Variants in PDILT observed in about 807,000 individuals in gnomAD.
The protein encoded by PDILT is protein disulfide isomerase like, testis expressed.
Under a neutral mutation model 53.7 loss-of-function variants are expected in PDILT, and 43 were observed. The observed-to-expected ratio is 0.80, with a 90% CI of 0.63 to 1.03. The LOEUF is 1.03. PDILT is among the 50% of genes least tolerant of loss of function. The probability of loss-of-function intolerance (pLI) is 0.00; values close to 1 mark genes in which losing one functional copy is unlikely to be tolerated. For synonymous variants in PDILT, 282 were observed against 274.2 expected (o/e 1.03, Z -0.28); for missense variants, 727 against 712.3 (o/e 1.02, Z -0.24).
At chr16:20,361,716 C>A (rs1420504182) in intron 10 of PDILT, among the ~76,000 whole-genome samples, 1 of 152,204 alleles carries the variant, frequency 6.6e-6, no homozygotes, top group African/African-American at 2.4e-5. Context: ...TCAGACCACA[C>A]TTCCTACCTG....
intron 9 of PDILT, among the ~76,000 whole-genome samples, chr16:20,364,517 C>T (rs950401277): frequency 3.3e-5 from 5 of 152,224 alleles, no homozygotes; most frequent in Non-Finnish European, 5.9e-5. Flanking sequence ...CCATACCTTC[C>T]TCACAAACTT....
chr16:20,359,236 T>A lies in PDILT; in HGVS notation c.*83A>T. ...CCCCACCTACCCTACCACAATGATA[T>A]ATGCTTTTATTGGAATCAATCCATT... On this transcript the variant is annotated 3_prime_UTR_variant, in exon 12 of 12. Coordinates refer to ENST00000302451, the MANE Select transcript of PDILT (RefSeq NM_174924.2). 1 of 1,562,152 alleles carries A rather than the reference T, an allele frequency of 6.4e-7. No individual in the cohort carries two copies. The highest frequency in any genetic ancestry group is 8.6e-7 in the Non-Finnish European group (1 of 1,156,302).
intron 1 of PDILT, among the ~76,000 whole-genome samples, chr16:20,400,586 G>A (rs2141625501): frequency 6.6e-6 from 1 of 152,142 alleles, no homozygotes; most frequent in Middle Eastern, 3.4e-3. Context: ...AAGCTCCCCA[G>A]ATGATTCTTT....
intron 9 of PDILT, among the ~76,000 whole-genome samples, chr16:20,363,262 C>G (rs769736650): frequency 1.3e-5 from 2 of 152,074 alleles, no homozygotes; most frequent in African/African-American, 2.4e-5. Context: ...ACTCAAACTC[C>G]TGGGCTCAAG....
intron 3 of PDILT, among the ~76,000 whole-genome samples, chr16:20,379,267 G>A (rs148002186): frequency 1.3e-4 from 19 of 151,790 alleles, no homozygotes; most frequent in African/African-American, 3.9e-4. Context: ...TCTGCCTCCC[G>A]GGTTCCAGTG....
intron 1 of PDILT, among the ~76,000 whole-genome samples, chr16:20,400,085 G>T: frequency 7.0e-6 from 1 of 143,426 alleles, no homozygotes. Context: ...TTTTGAGACG[G>T]AGTTTTGCTC....
chr16:20,402,585 C>T (rs1966757866), intron 1 of PDILT, among the ~76,000 whole-genome samples: 1 of 152,212 alleles, frequency 6.6e-6, no homozygotes, highest in Non-Finnish European at 1.5e-5. Flanking sequence ...AGGCATGAGC[C>T]ACTGTGCCTG....
intron 2 of PDILT, 143 bp from the exon 3 acceptor site, chr16:20,384,994 A>T (rs1966515585): frequency 1.3e-6 from 1 of 762,110 alleles, no homozygotes; most frequent in African/African-American, 1.7e-5. Context: ...ATGTGACAAG[A>T]TGTGAGACAC....
At chr16:20,382,661 A>C (rs972474803) in intron 3 of PDILT, among the ~76,000 whole-genome samples, 2 of 152,246 alleles carry the variant, frequency 1.3e-5, no homozygotes, top group Non-Finnish European at 2.9e-5. Flanking sequence ...AATGCCTGGA[A>C]CACAGTATAT....
Position 20,359,275 on chromosome 16 carries a change from C to T in PDILT, c.*44G>A. The stretch of plus-strand genomic sequence containing the variant: ...AATCAATCCATTCAGAAAATGATGC[C>T]AGGATCTGGAAAATAAGCATCTTTT... On this transcript the variant is annotated 3_prime_UTR_variant, in exon 12 of 12. Coordinates refer to ENST00000302451, the MANE Select transcript of PDILT (RefSeq NM_174924.2). 6.2e-7 allele frequency: 1 copy of T among 1,602,926 alleles called. No homozygotes were observed. The highest frequency in any genetic ancestry group is 8.5e-7 in the Non-Finnish European group (1 of 1,175,414).
Position 20,366,226 on chromosome 16 carries a change from C to T in PDILT, c.1117-686G>A, listed in dbSNP as rs549787466. Among the ~76,000 whole-genome samples the T allele has an allele frequency of 3.3e-3, 498 of 152,254 alleles. 2 individuals are homozygous for T. Among genetic ancestry groups the T allele is most frequent in the Non-Finnish European group, 4.8e-3 (329 of 68,022 alleles). On this transcript the variant is annotated intron_variant, in intron 8 of 11. Coordinates refer to ENST00000302451, the MANE Select transcript of PDILT (RefSeq NM_174924.2). ...ATAAAGGAAGTCTTCTCTTTTCTTT[C>T]CTCAGCCATGTTGGTCTTCAGCTTA...
Position 20,374,972 on chromosome 16 carries a change from G to A in PDILT, c.544-13C>T, listed in dbSNP as rs1966363445. Reference sequence around the variant, plus strand: ...CTTCCTCTAAATCCTATTTGGGAAAGGATGTTTGGAAAGGCTTTGGTAGAA... The same window carrying A: ...CTTCCTCTAAATCCTATTTGGGAAAAGATGTTTGGAAAGGCTTTGGTAGAA... On this transcript the variant is annotated splice_polypyrimidine_tract_variant and intron_variant, in intron 4 of 11. Coordinates refer to ENST00000302451, the MANE Select transcript of PDILT (RefSeq NM_174924.2). 1.3e-6 allele frequency: 2 copies of A among 1,596,470 alleles called. No homozygotes were observed. The highest frequency in any genetic ancestry group is 2.7e-5 in the African/African-American group (2 of 74,536).
intron 8 of PDILT, among the ~76,000 whole-genome samples, chr16:20,367,043 CTTTCTTTCTTTCT>C (rs1966214703): frequency 2.1e-4 from 9 of 42,988 alleles, no homozygotes; most frequent in African/African-American, 8.0e-4. Flanking sequence ...TTCTTTCTTT[CTTTCTTTCTTTCT>C]TTCTTTCTTT....
intron 7 of PDILT, 62 bp downstream of exon 7, chr16:20,372,740 G>A (rs549520475): frequency 6.4e-7 from 1 of 1,573,512 alleles, no homozygotes; most frequent in African/African-American, 1.4e-5. Flanking sequence ...AATGGGCTCA[G>A]GGTCTGCAGG....
At chr16:20,403,103 T>C (rs1057303924) in intron 1 of PDILT, among the ~76,000 whole-genome samples, 4 of 152,170 alleles carry the variant, frequency 2.6e-5, no homozygotes, top group Non-Finnish European at 5.9e-5. Context: ...GTGTCAACTG[T>C]GTGCATTCCC....
At chr16:20,394,866 T>C (rs893935518) in intron 2 of PDILT, among the ~76,000 whole-genome samples, 3 of 152,212 alleles carry the variant, frequency 2.0e-5, no homozygotes, top group South Asian at 2.1e-4. Flanking sequence ...GCCTGAATGA[T>C]TGTATGGAGC....
intron 3 of PDILT, among the ~76,000 whole-genome samples, chr16:20,379,611 G>A (rs1019981412): frequency 1.1e-4 from 17 of 152,306 alleles, no homozygotes; most frequent in Non-Finnish European, 2.4e-4. Context: ...CACCATGCCC[G>A]GCTGGGGCTA....
chr16:20,403,336 C>T (rs1472248585), intron 1 of PDILT, among the ~76,000 whole-genome samples: 1 of 152,178 alleles, frequency 6.6e-6, no homozygotes, highest in Non-Finnish European at 1.5e-5. Context: ...GTTGCCCAGG[C>T]TGGAGTGCAA....
chr16:20,402,550 C>T (rs897555399), intron 1 of PDILT, among the ~76,000 whole-genome samples: 9 of 152,304 alleles, frequency 5.9e-5, no homozygotes, highest in South Asian at 2.1e-4. Context: ...CCGCCCACCT[C>T]GGCCTCCCAA....
Sources: allele counts gnomAD v4.1 joint callset (sites outside exome capture counted in the v4.1 genomes callset), GRCh38; gene constraint gnomAD v4.1.1; transcripts MANE v1.5; gene names NCBI Gene and HGNC (gene_info 2026-07-23, HGNC 2026-07-21).